Variants in LRRC1 observed in about 807,000 individuals in gnomAD.
LRRC1 encodes leucine rich repeat containing 1, also known as leucine-rich repeat-containing protein 1.
Under a neutral mutation model 69.9 loss-of-function variants are expected in LRRC1, and 28 were observed. The observed-to-expected ratio is 0.40, with a 90% CI of 0.30 to 0.55. The LOEUF (loss-of-function observed/expected upper bound fraction) is 0.55. Among genes scored for constraint, LRRC1 ranks in the 20% least tolerant of loss-of-function variants. The pLI is 0.47. For missense variants in LRRC1, 498 were observed against 609.0 expected (o/e 0.82, Z 1.92); for synonymous variants, 236 against 240.2 (o/e 0.98, Z 0.16).
chr6:53,854,698 C>T (rs1766254218), intron 2 of LRRC1, among the ~76,000 whole-genome samples: 1 of 152,174 alleles, frequency 6.6e-6, no homozygotes, highest in Non-Finnish European at 1.5e-5. Context: ...AGTATAAAAA[C>T]ATTTATATCC....
intron 2 of LRRC1, among the ~76,000 whole-genome samples, chr6:53,867,290 A>G (rs889344655): frequency 6.6e-6 from 1 of 152,072 alleles, no homozygotes; most frequent in African/African-American, 2.4e-5. Context: ...CTGCAGTTTT[A>G]TGATCAGGGT....
At chr6:53,839,682 T>G (rs1765710369) in intron 1 of LRRC1, among the ~76,000 whole-genome samples, 1 of 152,178 alleles carries the variant, frequency 6.6e-6, no homozygotes, top group Non-Finnish European at 1.5e-5. Context: ...TCCCATTCTC[T>G]CAATATTGAC....
intron 2 of LRRC1, among the ~76,000 whole-genome samples, chr6:53,851,989 T>C (rs1766152033): frequency 6.6e-6 from 1 of 152,252 alleles, no homozygotes; most frequent in Non-Finnish European, 1.5e-5. Context: ...TTTTAGAAAC[T>C]AGAGGTTTAT....
rs768683791 is a variant in LRRC1, at chr6:53,922,824, C to T, written c.*31C>T. ...CACCTCCAAGTTTTACCTCCTGTGT[C>T]TTCCTCTGCTGTCGAGACGTTCCTG... On this transcript the variant is annotated 3_prime_UTR_variant, in exon 14 of 14. Transcript: ENST00000370888. The T allele has an allele frequency of 8.7e-6, 14 of 1,602,678 alleles. No individual in the cohort carries two copies. The East Asian group carries it at 1.8e-4, about 20-fold the overall frequency.
At chr6:53,878,045 G>A (rs966312710) in intron 2 of LRRC1, among the ~76,000 whole-genome samples, 3 of 152,166 alleles carry the variant, frequency 2.0e-5, no homozygotes, top group African/African-American at 7.2e-5. Context: ...AAGGCAAGGA[G>A]GAGGGAGTCA....
intron 1 of LRRC1, among the ~76,000 whole-genome samples, chr6:53,838,685 T>C (rs558289562): frequency 3.1e-4 from 47 of 152,368 alleles, no homozygotes; most frequent in Non-Finnish European, 6.3e-4. Flanking sequence ...GCTTTTGTGC[T>C]GGCTGATGCT....
chr6:53,906,381 A>G (rs998158464), intron 10 of LRRC1, among the ~76,000 whole-genome samples: 5 of 152,230 alleles, frequency 3.3e-5, no homozygotes, highest in African/African-American at 1.2e-4. Flanking sequence ...TTTGGACACT[A>G]CAGAAAATTA....
intron 10 of LRRC1, among the ~76,000 whole-genome samples, chr6:53,906,814 G>A (rs891331975): frequency 2.0e-5 from 3 of 152,166 alleles, no homozygotes; most frequent in Admixed American, 6.5e-5. Flanking sequence ...AATAGTCTGC[G>A]CCTTTCCTTT....
At chr6:53,808,976 G>A (rs1366059546) in intron 1 of LRRC1, among the ~76,000 whole-genome samples, 1 of 152,142 alleles carries the variant, frequency 6.6e-6, no homozygotes, top group Non-Finnish European at 1.5e-5. Flanking sequence ...CCATTCTTTG[G>A]TGCTGGATTT....
At chr6:53,827,538 G>C (rs1356770807) in intron 1 of LRRC1, among the ~76,000 whole-genome samples, 1 of 152,172 alleles carries the variant, frequency 6.6e-6, no homozygotes, top group African/African-American at 2.4e-5. Context: ...CCTCAGAGAG[G>C]TCGTGGCATT....
intron 1 of LRRC1, among the ~76,000 whole-genome samples, chr6:53,829,820 G>A (rs1461860735): frequency 6.6e-6 from 1 of 152,120 alleles, no homozygotes; most frequent in African/African-American, 2.4e-5. Context: ...GCTGTTGCTT[G>A]CTTCCTGGTG....
intron 3 of LRRC1, among the ~76,000 whole-genome samples, chr6:53,882,009 A>G (rs1767307260): frequency 6.6e-6 from 1 of 152,222 alleles, no homozygotes; most frequent in South Asian, 2.1e-4. Context: ...AAAACATAAA[A>G]TTATTTCAAG....
At chr6:53,798,635 T>A (rs559936052) in intron 1 of LRRC1, among the ~76,000 whole-genome samples, 1 of 152,316 alleles carries the variant, frequency 6.6e-6, no homozygotes, top group East Asian at 1.9e-4. Context: ...CGCCTTAGCC[T>A]CCCAAAGTGC....
intron 7 of LRRC1, among the ~76,000 whole-genome samples, chr6:53,899,137 G>A (rs544470480): frequency 6.6e-6 from 1 of 152,210 alleles, no homozygotes; most frequent in Non-Finnish European, 1.5e-5. Context: ...AGAAGAAAAG[G>A]TAGGTCTTGA....
In LRRC1 at chr6:53,875,798, G is replaced by A. The variant is rs139309222; in HGVS notation, c.278-3195G>A. ...TGTTAAATAATTGTACATATGTATG[G>A]GTACATAGTGATGCTTTGATACATA... On this transcript the variant is annotated intron_variant, in intron 2 of 13. Transcript: ENST00000370888. Among the ~76,000 whole-genome samples the A allele has an allele frequency of 2.0e-3, 300 of 152,002 alleles. 4 individuals are homozygous for A. The East Asian group carries it at 0.041, about 21-fold the overall frequency.
intron 11 of LRRC1, among the ~76,000 whole-genome samples, chr6:53,915,563 C>T (rs1374913227): frequency 6.6e-6 from 1 of 152,202 alleles, no homozygotes; most frequent in Non-Finnish European, 1.5e-5. Context: ...GTTCTTGCCA[C>T]ACTACTGAGC....
At chr6:53,882,305 G>A (rs1177377919) in intron 3 of LRRC1, among the ~76,000 whole-genome samples, 2 of 152,166 alleles carry the variant, frequency 1.3e-5, no homozygotes, top group African/African-American at 4.8e-5. Context: ...CCGAGATTGC[G>A]CCACTGCCCT....
At chr6:53,814,134 A>T (rs1221701341) in intron 1 of LRRC1, among the ~76,000 whole-genome samples, 2 of 152,062 alleles carry the variant, frequency 1.3e-5, no homozygotes, top group Non-Finnish European at 2.9e-5. Flanking sequence ...CTCATCTTTC[A>T]TAGGATTCAG....
intron 1 of LRRC1, among the ~76,000 whole-genome samples, chr6:53,824,832 GT>G (rs1765212778): frequency 6.6e-6 from 1 of 152,168 alleles, no homozygotes; most frequent in East Asian, 1.9e-4. Flanking sequence ...CAACCATCCA[GT>G]TTTTCAGTTC....
Sources: allele counts gnomAD v4.1 joint callset (sites outside exome capture counted in the v4.1 genomes callset), GRCh38; gene constraint gnomAD v4.1.1; transcripts MANE v1.5; gene names NCBI Gene and HGNC (gene_info 2026-07-23, HGNC 2026-07-21).